The following EFR3B variants were observed in gnomAD, a reference collection of about 807,000 sequenced individuals.
EFR3B encodes protein EFR3 homolog B.
In EFR3B, 64 loss-of-function variants were observed where a neutral mutation model predicts 104.7. That is an observed-to-expected ratio of 0.61 (90% CI 0.50 to 0.75). EFR3B has a LOEUF of 0.75. Among genes scored for constraint, EFR3B ranks in the 30% least tolerant of loss-of-function variants. The pLI is 0.00. For synonymous variants in EFR3B, 385 were observed against 417.9 expected (o/e 0.92, Z 0.96); for missense variants, 750 against 1,078.5 (o/e 0.70, Z 4.27).
intron 1 of EFR3B, among the ~76,000 whole-genome samples, chr2:25,073,667 G>A (rs538398912): frequency 6.6e-6 from 1 of 152,190 alleles, no homozygotes; most frequent in Admixed American, 6.5e-5. Flanking sequence ...ATGATTCTCC[G>A]GAATGCCTGC....
chr2:25,149,600 ACAAG>A (rs891036187), intron 19 of EFR3B, 90 bp from the exon 20 acceptor site: 2 of 1,339,268 alleles, frequency 1.5e-6, no homozygotes, highest in African/African-American at 1.5e-5. Context: ...CTTTCTTCCA[ACAAG>A]CAAGGGGCTG....
At chr2:25,140,980 G>A (rs994705863) in intron 16 of EFR3B, among the ~76,000 whole-genome samples, 14 of 149,114 alleles carry the variant, frequency 9.4e-5, no homozygotes, top group Admixed American at 9.0e-4. Context: ...GGTGGAGGCT[G>A]CTGTGAGCCA....
chr2:25,110,635 T>C (rs1487264101), intron 4 of EFR3B, among the ~76,000 whole-genome samples: 24 of 152,168 alleles, frequency 1.6e-4, no homozygotes, highest in Admixed American at 1.5e-3. Flanking sequence ...TCCCTCAATC[T>C]AAACACAAGT....
At chr2:25,087,267 G>A (rs962022909) in intron 1 of EFR3B, among the ~76,000 whole-genome samples, 2 of 151,882 alleles carry the variant, frequency 1.3e-5, no homozygotes, top group Non-Finnish European at 2.9e-5. Flanking sequence ...TGAGAACTAC[G>A]ATTCAAGATG....
At position 25,060,006 on chromosome 2, in the gene EFR3B, G is replaced by C. The variant is rs377742017; in HGVS notation, c.7+17687G>C. ...GAGGTCAGGAATTCGAGACCAGCCCGGCCAACATGGTGAAACCCCATCTCT... is the reference window on the plus strand; with the variant it reads ...GAGGTCAGGAATTCGAGACCAGCCCCGCCAACATGGTGAAACCCCATCTCT... On this transcript the variant is annotated intron_variant, in intron 1 of 22. Coordinates refer to ENST00000403714, the MANE Select transcript of EFR3B (RefSeq NM_014971.2). Among the ~76,000 whole-genome samples the C allele has an allele frequency of 1.8e-4, 27 of 151,680 alleles. No individual in the cohort carries two copies. The East Asian group carries it at 4.5e-3, about 25-fold the overall frequency.
At chr2:25,139,416 C>T (rs1195050358) in intron 16 of EFR3B, among the ~76,000 whole-genome samples, 2 of 152,076 alleles carry the variant, frequency 1.3e-5, no homozygotes, top group East Asian at 3.8e-4. Flanking sequence ...TCTTCTATAC[C>T]TGTTTCTAAT....
chr2:25,093,648 A>G (rs559262802), intron 3 of EFR3B, among the ~76,000 whole-genome samples: 4 of 152,160 alleles, frequency 2.6e-5, no homozygotes, highest in African/African-American at 4.8e-5. Context: ...TTGGCTTCCT[A>G]CAAGCACCTC....
chr2:25,150,771 C>T lies in EFR3B; in HGVS notation c.2191+1029C>T, dbSNP rs538771240. On this transcript the variant is annotated intron_variant, in intron 20 of 22. Coordinates refer to ENST00000403714, the MANE Select transcript of EFR3B (RefSeq NM_014971.2). The stretch of plus-strand genomic sequence containing the variant: ...GATTACAGGTGCCCGCCACCACACC[C>T]GGCTAATTTTTGTATTTTTAGTAGA... 4.3e-4 allele frequency among the ~76,000 whole-genome samples: 66 copies of T among 152,082 alleles called. 1 individual carries two copies. In the South Asian group the frequency reaches 7.9e-3, roughly 18 times the overall value.
chr2:25,045,440 A>G (rs1667688142), intron 1 of EFR3B, among the ~76,000 whole-genome samples: 1 of 152,274 alleles, frequency 6.6e-6, no homozygotes, highest in African/African-American at 2.4e-5. Flanking sequence ...GATCATTAGC[A>G]AATTCTATGC....
chr2:25,115,743 A>G (rs1669839473), intron 4 of EFR3B, among the ~76,000 whole-genome samples: 1 of 152,234 alleles, frequency 6.6e-6, no homozygotes, highest in Non-Finnish European at 1.5e-5. Flanking sequence ...ACAGAGGAGA[A>G]GATGATGTCA....
intron 20 of EFR3B, among the ~76,000 whole-genome samples, chr2:25,151,537 T>C (rs2149214940): frequency 6.6e-6 from 1 of 152,282 alleles, no homozygotes; most frequent in East Asian, 1.9e-4. Context: ...ATTACAAGTG[T>C]GAGCCACCGT....
chr2:25,084,232 A>T (rs185813123), intron 1 of EFR3B, among the ~76,000 whole-genome samples: 190 of 151,134 alleles, frequency 1.3e-3, no homozygotes, highest in African/African-American at 4.4e-3. Context: ...TTTTTTTTTT[A>T]ATTTTTATTT....
intron 1 of EFR3B, among the ~76,000 whole-genome samples, chr2:25,059,586 G>GGGGGGGGGT (rs1668128810): frequency 3.7e-5 from 4 of 108,170 alleles, no homozygotes; most frequent in Non-Finnish European, 7.9e-5. Context: ...GGGGGGGGGG[G>GGGGGGGGGT]TGGAGATTGG....
At chr2:25,077,447 C>G (rs1180230203) in intron 1 of EFR3B, among the ~76,000 whole-genome samples, 1 of 152,186 alleles carries the variant, frequency 6.6e-6, no homozygotes, top group East Asian at 1.9e-4. Context: ...GCCACCACAC[C>G]TGGCTAATTT....
chr2:25,074,535 A>T (rs2149176291), intron 1 of EFR3B, among the ~76,000 whole-genome samples: 1 of 151,670 alleles, frequency 6.6e-6, no homozygotes, highest in South Asian at 2.1e-4. Flanking sequence ...ACTGCACTCC[A>T]GTCTGAGTGA....
rs533819355 is a variant in EFR3B at position 25,096,431 on chromosome 2, C to G, written c.212+3301C>G. Among the ~76,000 whole-genome samples the G allele has an allele frequency of 1.3e-4, 20 of 152,320 alleles. No homozygotes were observed. In the South Asian group the frequency reaches 3.7e-3, roughly 28 times the overall value. On this transcript the variant is annotated intron_variant, in intron 3 of 22. Transcript: ENST00000403714. ...TAGCCTTGGACATAGTCTCCCTGCT[C>G]CCTGTCTTTCCTGCTTTGGTCCTTC...
At chr2:25,107,249 A>G (rs1318814862) in intron 4 of EFR3B, among the ~76,000 whole-genome samples, 3 of 152,158 alleles carry the variant, frequency 2.0e-5, no homozygotes, top group Admixed American at 6.5e-5. Context: ...GACTTAGTCT[A>G]TCACAAGGCA....
intron 4 of EFR3B, among the ~76,000 whole-genome samples, chr2:25,118,726 C>CAAAAA (rs869026900): frequency 0.058 from 1,935 of 33,566 alleles, 674 homozygotes; most frequent in Middle Eastern, 0.1. Context: ...CCTGTCTCTA[C>CAAAAA]AAAAAAAAAA....
At chr2:25,109,701 G>C (rs1669669580) in intron 4 of EFR3B, among the ~76,000 whole-genome samples, 1 of 152,140 alleles carries the variant, frequency 6.6e-6, no homozygotes, top group Non-Finnish European at 1.5e-5. Context: ...ATTTGTGTTT[G>C]CCAGGTGAAG....
Sources: gnomAD v4.1 joint callset for allele counts (sites outside exome capture counted in the v4.1 genomes callset) on GRCh38, gnomAD v4.1.1 for gene constraint, MANE v1.5 for transcripts, NCBI Gene and HGNC (gene_info 2026-07-23, HGNC 2026-07-21) for gene names.